Variants in ATXN7L1 observed in about 807,000 individuals in gnomAD.
ATXN7L1 encodes the protein ataxin-7-like protein 1.
In ATXN7L1, 15 loss-of-function variants were observed where a neutral mutation model predicts 70.8. The observed-to-expected ratio is 0.21, with a 90% CI of 0.14 to 0.33. ATXN7L1 has a LOEUF of 0.33. ATXN7L1 is among the 10% of genes least tolerant of loss of function. The pLI is 1.00. For missense variants in ATXN7L1, 975 were observed against 1,097.1 expected (o/e 0.89, Z 1.57); for synonymous variants, 440 against 445.1 (o/e 0.99, Z 0.14).
chr7:105,630,789 G>C (rs1045561105), intron 7 of ATXN7L1, among the ~76,000 whole-genome samples: 3 of 152,070 alleles, frequency 2.0e-5, no homozygotes, highest in Non-Finnish European at 1.5e-5. Context: ...TGATAGTGGC[G>C]GAGGGAGGCT....
At chr7:105,668,136 G>C (rs746599344) in intron 3 of ATXN7L1, among the ~76,000 whole-genome samples, 46 of 152,270 alleles carry the variant, frequency 3.0e-4, no homozygotes, top group Non-Finnish European at 6.0e-4. Context: ...GTGCCATGAA[G>C]GACAAAATAA....
At chr7:105,686,843 T>C (rs1463043563) in intron 3 of ATXN7L1, among the ~76,000 whole-genome samples, 1 of 152,138 alleles carries the variant, frequency 6.6e-6, no homozygotes, top group African/African-American at 2.4e-5. Context: ...CTATATGTAA[T>C]TGTTGGCAAG....
chr7:105,733,544 A>AACCACCCATCCT (rs1796859353), intron 3 of ATXN7L1, among the ~76,000 whole-genome samples: 1 of 134,686 alleles, frequency 7.4e-6, no homozygotes, highest in African/African-American at 2.9e-5. Flanking sequence ...CCATCCACCC[A>AACCACCCATCCT]TCCATCCATC....
At chr7:105,847,386 T>C (rs1186470889) in intron 2 of ATXN7L1, among the ~76,000 whole-genome samples, 2 of 152,048 alleles carry the variant, frequency 1.3e-5, no homozygotes, top group Non-Finnish European at 2.9e-5. Flanking sequence ...TCTTTATCAG[T>C]AGCAAAACAG....
chr7:105,773,702 G>C (rs1802326667), intron 3 of ATXN7L1, among the ~76,000 whole-genome samples: 2 of 151,960 alleles, frequency 1.3e-5, no homozygotes, highest in Non-Finnish European at 2.9e-5. Flanking sequence ...TCCTCCCCAG[G>C]ATGTGCTACC....
rs1431356605 is a variant in ATXN7L1, at chr7:105,624,262, G to A, written c.1208C>T (p.Ser403Leu). 7.0e-7 allele frequency: 1 copy of A among 1,430,932 alleles called. No individual in the cohort carries two copies. The highest frequency in any genetic ancestry group is 2.8e-5 in the East Asian group (1 of 36,050). 88.6% of individuals were successfully genotyped at this position (1,430,932 alleles called of 1,614,324 possible). The change falls in exon 8 of 12, where the codon TCA becomes TTA. Residue 403 changes from serine (S) to leucine (L), a missense_variant. Physicochemically the swap from Ser to Leu is moderately radical, Grantham distance 145. Transcript: ENST00000419735. ...GCTGCTGCTTATGCTATTTGCAGATGATGGTCTAAGGGCAAGAGCGGAGAA... is the reference window on the plus strand; with the variant it reads ...GCTGCTGCTTATGCTATTTGCAGATAATGGTCTAAGGGCAAGAGCGGAGAA... Reference protein sequence around the residue: ...RPPNSVLPRPSSANSISSSTS... With the variant: ...RPPNSVLPRPLSANSISSSTS...
chr7:105,831,282 G>C (rs1391022811), intron 2 of ATXN7L1, among the ~76,000 whole-genome samples: 1 of 152,194 alleles, frequency 6.6e-6, no homozygotes, highest in East Asian at 1.9e-4. Flanking sequence ...TCTCTTCACT[G>C]TAGCGAGAAA....
chr7:105,737,134 C>T (rs890858966), intron 3 of ATXN7L1, among the ~76,000 whole-genome samples: 2 of 152,188 alleles, frequency 1.3e-5, no homozygotes, highest in Admixed American at 6.5e-5. Context: ...TTCAGGTGTT[C>T]CACCTCTTTG....
intron 9 of ATXN7L1, among the ~76,000 whole-genome samples, chr7:105,615,345 C>T (rs1328467694): frequency 6.6e-6 from 1 of 152,200 alleles, no homozygotes; most frequent in East Asian, 1.9e-4. Context: ...GGGCTTTCCC[C>T]ACCCTGCTCT....
In ATXN7L1 at chr7:105,614,248, T is replaced by A. The variant is rs867815704; in HGVS notation, c.2086A>T (p.Asn696Tyr). The A allele has an allele frequency of 7.7e-6, 12 of 1,551,602 alleles. No homozygotes were observed. The highest frequency in any genetic ancestry group is 1.7e-4 in the Middle Eastern group (1 of 6,012). Residue 696 changes from asparagine to tyrosine, a missense_variant, in exon 10 of 12, where the codon AAC becomes TAC. Around this residue, in one of 5 missense-constraint regions of ATXN7L1, gnomAD observed 635 missense variants for 699.4 expected, o/e 0.91. Coordinates refer to ENST00000419735, the MANE Select transcript of ATXN7L1 (RefSeq NM_020725.2). The surrounding 1 kb of genome is among the most constrained non-coding windows in gnomAD (Gnocchi z 4.3). ...LNSYQAAPPY[N>Y]SLSVHNSNNG... ...TTTGAGTTGTGCACAGACAGGCTGTTATAGGGAGGGGCCGCCTGATAGGAG... is the reference window on the plus strand; with the variant it reads ...TTTGAGTTGTGCACAGACAGGCTGTAATAGGGAGGGGCCGCCTGATAGGAG...
At chr7:105,811,085 A>G (rs1239214434) in intron 2 of ATXN7L1, among the ~76,000 whole-genome samples, 2 of 152,228 alleles carry the variant, frequency 1.3e-5, no homozygotes, top group African/African-American at 4.8e-5. Context: ...CCTATCCCCA[A>G]TACTTGTGAA....
chr7:105,616,260 A>T (rs1793878911), intron 9 of ATXN7L1, among the ~76,000 whole-genome samples: 1 of 152,130 alleles, frequency 6.6e-6, no homozygotes, highest in African/African-American at 2.4e-5. Flanking sequence ...TCTTCTTTGG[A>T]GGCCACTCTC....
rs140768333 is a variant in ATXN7L1 at position 105,872,544 on chromosome 7, C to T, written c.250+3268G>A. On this transcript the variant is annotated intron_variant, in intron 2 of 11. Transcript: ENST00000419735. Reference sequence around the variant, plus strand: ...AACATGGATGAGCTATGAAGAGATGCGAAGTGAAATAAACCAGATACAAAA... The same window carrying T: ...AACATGGATGAGCTATGAAGAGATGTGAAGTGAAATAAACCAGATACAAAA... Among the ~76,000 whole-genome samples, 376 of 152,168 alleles carry T rather than the reference C, an allele frequency of 2.5e-3. 3 individuals are homozygous for T. The highest frequency in any genetic ancestry group is 3.4e-3 in the Middle Eastern group (1 of 294).
chr7:105,854,485 A>G (rs1264765398), intron 2 of ATXN7L1, among the ~76,000 whole-genome samples: 4 of 151,036 alleles, frequency 2.6e-5, no homozygotes, highest in Non-Finnish European at 5.9e-5. Context: ...AAAAAAAAAA[A>G]AAAAGCATTT....
At chr7:105,642,323 G>A (rs1406191372) in intron 5 of ATXN7L1, among the ~76,000 whole-genome samples, 1 of 152,188 alleles carries the variant, frequency 6.6e-6, no homozygotes. Context: ...GGGATCGACA[G>A]TTGTAAACTC....
chr7:105,732,224 A>G (rs1221680133), intron 3 of ATXN7L1, among the ~76,000 whole-genome samples: 1 of 152,148 alleles, frequency 6.6e-6, no homozygotes, highest in Non-Finnish European at 1.5e-5. Flanking sequence ...AGCCTGACCA[A>G]CATCGTGAAA....
chr7:105,867,035 A>G (rs1353416781), intron 2 of ATXN7L1, among the ~76,000 whole-genome samples: 1 of 152,252 alleles, frequency 6.6e-6, no homozygotes, highest in African/African-American at 2.4e-5. Context: ...AAAACCATAC[A>G]GAAACAAATC....
At chr7:105,850,915 C>G (rs990258417) in intron 2 of ATXN7L1, among the ~76,000 whole-genome samples, 1 of 152,090 alleles carries the variant, frequency 6.6e-6, no homozygotes, top group Admixed American at 6.5e-5. Context: ...CCATCTCTGC[C>G]CCCAGGATAT....
At chr7:105,845,073 C>T (rs1478065362) in intron 2 of ATXN7L1, among the ~76,000 whole-genome samples, 1 of 151,606 alleles carries the variant, frequency 6.6e-6, no homozygotes, top group African/African-American at 2.4e-5. Flanking sequence ...GGCATCGTGG[C>T]GGGTGCCTGT....
Sources: gnomAD v4.1 joint callset for allele counts (sites outside exome capture counted in the v4.1 genomes callset) on GRCh38, gnomAD v4.1.1 for gene constraint, gnomAD v4.1.1 regional missense constraint, Gnocchi (gnomAD v3.1) non-coding constraint, MANE v1.5 for transcripts, NCBI Gene and HGNC (gene_info 2026-07-23, HGNC 2026-07-21) for gene names.